The following INPP5A variants were observed in gnomAD, a reference collection of about 807,000 sequenced individuals.
INPP5A encodes the protein inositol polyphosphate-5-phosphatase A.
In INPP5A, 14 loss-of-function variants were observed where a neutral mutation model predicts 65.2. The observed-to-expected ratio is 0.21, with a 90% CI of 0.14 to 0.34. INPP5A has a LOEUF of 0.34. Ranked by LOEUF, INPP5A falls within the 10% of genes least tolerant of loss-of-function variation. The pLI is 1.00. For missense variants in INPP5A, 431 were observed against 545.6 expected (o/e 0.79, Z 2.09); for synonymous variants, 207 against 208.3 (o/e 0.99, Z 0.05).
rs1485389488 is a variant in INPP5A at position 132,545,156 on chromosome 10, C to T, written c.75+6985C>T. Among the ~76,000 whole-genome samples the T allele has an allele frequency of 2.0e-5, 3 of 151,706 alleles. No individual in the cohort carries two copies. The highest frequency in any genetic ancestry group is 4.4e-5 in the Non-Finnish European group (3 of 67,958). On this transcript the variant is annotated intron_variant, in intron 1 of 15. Coordinates refer to ENST00000368594, the MANE Select transcript of INPP5A (RefSeq NM_005539.5). This position sits in a 1 kb window ranked among gnomAD's most constrained non-coding sequence, Gnocchi z 4.6. ...GCAGGTGGAGCAGGGCAGAGGGCCC[C>T]GCACGGCTCTGGGATGGCTGTGCTC...
intron 2 of INPP5A, among the ~76,000 whole-genome samples, chr10:132,630,810 G>A (rs535341331): frequency 3.9e-5 from 6 of 151,918 alleles, no homozygotes; most frequent in Non-Finnish European, 8.8e-5. Context: ...CGGGGGCGGC[G>A]GGGGACGTGC....
chr10:132,755,689 T>G (rs182550733), intron 11 of INPP5A, among the ~76,000 whole-genome samples: 324 of 152,042 alleles, frequency 2.1e-3, no homozygotes, highest in Non-Finnish European at 3.4e-3. Context: ...TGGGTGTGTG[T>G]GGGGGGTGGT....
intron 1 of INPP5A, among the ~76,000 whole-genome samples, chr10:132,539,328 G>A (rs993750329): frequency 3.9e-5 from 6 of 152,208 alleles, no homozygotes; most frequent in African/African-American, 9.7e-5. Flanking sequence ...TCGTAAATAA[G>A]GGAAGTCTGT....
intron 9 of INPP5A, among the ~76,000 whole-genome samples, chr10:132,746,352 G>T (rs955985695): frequency 6.6e-6 from 1 of 152,230 alleles, no homozygotes; most frequent in African/African-American, 2.4e-5. Flanking sequence ...GGATTTTGTG[G>T]CAGAGTGTCC....
At chr10:132,585,059 G>A (rs181234275) in intron 1 of INPP5A, among the ~76,000 whole-genome samples, 5 of 152,364 alleles carry the variant, frequency 3.3e-5, no homozygotes, top group Admixed American at 1.3e-4. Flanking sequence ...GGGGCTTCTA[G>A]AAGGTCGCAG....
chr10:132,739,829 G>C (rs1018124200), intron 9 of INPP5A, among the ~76,000 whole-genome samples: 3 of 152,232 alleles, frequency 2.0e-5, no homozygotes, highest in Admixed American at 1.3e-4. Flanking sequence ...GGCCTCAGCA[G>C]AGGCGTCTTC....
At position 132,676,788 on chromosome 10, in the gene INPP5A, C is replaced by G. The variant is rs1209142874; in HGVS notation, c.307-13604C>G. 2.6e-5 allele frequency among the ~76,000 whole-genome samples: 4 copies of G among 152,192 alleles called. No individual in the cohort carries two copies. Among genetic ancestry groups the G allele is most frequent in the Admixed American group, 2.6e-4 (4 of 15,286 alleles). ...GGCTCCTTGCCCCACTGACTGCTGG[C>G]TCTCACCTGCTCCTGTCTCTCCACA... On this transcript the variant is annotated intron_variant, in intron 4 of 15. Transcript: ENST00000368594. This position sits in a 1 kb window ranked among gnomAD's most constrained non-coding sequence, Gnocchi z 4.0.
chr10:132,682,124 C>G (rs1397534826), intron 4 of INPP5A, among the ~76,000 whole-genome samples: 3 of 146,562 alleles, frequency 2.0e-5, no homozygotes, highest in Non-Finnish European at 4.6e-5. Flanking sequence ...TGGACAGCGT[C>G]CTGGAGGTGG....
intron 9 of INPP5A, among the ~76,000 whole-genome samples, chr10:132,748,122 G>A (rs1052303718): frequency 6.6e-6 from 1 of 152,136 alleles, no homozygotes; most frequent in African/African-American, 2.4e-5. Flanking sequence ...TCCAATTCTA[G>A]ACTCTCTCTC....
chr10:132,620,655 T>G (rs1219198816), intron 2 of INPP5A, among the ~76,000 whole-genome samples: 1 of 152,216 alleles, frequency 6.6e-6, no homozygotes, highest in Non-Finnish European at 1.5e-5. Flanking sequence ...AAACTTTTTT[T>G]TTTGAAAAAC....
At chr10:132,752,403 G>C (rs535813454) in intron 11 of INPP5A, among the ~76,000 whole-genome samples, 5 of 150,888 alleles carry the variant, frequency 3.3e-5, no homozygotes, top group African/African-American at 1.2e-4. Flanking sequence ...CCGGGGCTGC[G>C]TGGAGTGGGG....
intron 11 of INPP5A, among the ~76,000 whole-genome samples, chr10:132,751,115 C>T (rs1251981973): frequency 6.6e-6 from 1 of 152,198 alleles, no homozygotes; most frequent in African/African-American, 2.4e-5. Context: ...GCATTCGCTG[C>T]CTCCCCAACG....
intron 12 of INPP5A, 22 bp from the exon 13 acceptor site, chr10:132,777,649 C>T (rs755486861): frequency 1.2e-6 from 2 of 1,607,668 alleles, no homozygotes; most frequent in Non-Finnish European, 1.7e-6. Flanking sequence ...CCGGCTGACC[C>T]TCTGCCTTCA....
At chr10:132,692,055 G>A (rs1448470847) in intron 5 of INPP5A, among the ~76,000 whole-genome samples, 2 of 152,162 alleles carry the variant, frequency 1.3e-5, no homozygotes, top group Non-Finnish European at 2.9e-5. Context: ...GGGGGGCCTC[G>A]GGCTGGGCGG....
rs955219154 is a variant in INPP5A, at chr10:132,644,222, G to A, written c.118-1646G>A. On this transcript the variant is annotated intron_variant, in intron 2 of 15. Transcript: ENST00000368594. This position sits in a 1 kb window ranked among gnomAD's most constrained non-coding sequence, Gnocchi z 6.5. ...CCTCCTGAGTGCCCGGGGAGCCCAC[G>A]CCCACGCCCAGGAGGGAGGGGCCCA... 1.4e-4 allele frequency among the ~76,000 whole-genome samples: 21 copies of A among 152,328 alleles called. No individual in the cohort carries two copies. Among genetic ancestry groups the A allele is most frequent in the African/African-American group, 5.1e-4 (21 of 41,576 alleles).
At chr10:132,597,342 G>A (rs539783314) in intron 1 of INPP5A, among the ~76,000 whole-genome samples, 1 of 152,346 alleles carries the variant, frequency 6.6e-6, no homozygotes, top group Non-Finnish European at 1.5e-5. Flanking sequence ...TGGTCTGTCA[G>A]CTCATCCACA....
In INPP5A at chr10:132,783,051, AATATT is replaced by A. The variant is rs1318766949; in HGVS notation, c.*1024_*1028del. On this transcript the variant is annotated 3_prime_UTR_variant, in exon 16 of 16. Transcript: ENST00000368594. ...GCTTTTAACATGGGCTGTATATAAA[AATATT>A]AAAGAGAAACAAAACTGTACATTTC... is the stretch of plus-strand genomic sequence containing the variant. 1.3e-5 allele frequency: 2 copies of A among 152,424 alleles called. No homozygotes were observed. The highest frequency in any genetic ancestry group is 2.4e-5 in the African/African-American group (1 of 41,464). The allele number at this position is 152,424 out of a possible 1,614,324, so 9.4% of individuals were successfully genotyped here. A position where few individuals can be genotyped will look rare whatever the true frequency, so the allele number is the denominator to read the frequency against.
chr10:132,702,707 C>T (rs1356137929), intron 6 of INPP5A, among the ~76,000 whole-genome samples: 1 of 152,206 alleles, frequency 6.6e-6, no homozygotes, highest in African/African-American at 2.4e-5. Context: ...AGCTCTGACG[C>T]ACATGGGAAG....
intron 1 of INPP5A, among the ~76,000 whole-genome samples, chr10:132,544,676 C>T (rs868432722): frequency 6.6e-6 from 1 of 152,028 alleles, no homozygotes; most frequent in Non-Finnish European, 1.5e-5. Flanking sequence ...CATTTCGGGT[C>T]GGTCCTTGAT....
Sources: allele counts gnomAD v4.1 joint callset (sites outside exome capture counted in the v4.1 genomes callset), GRCh38; gene constraint gnomAD v4.1.1; non-coding constraint Gnocchi (gnomAD v3.1); transcripts MANE v1.5; gene names NCBI Gene and HGNC (gene_info 2026-07-23, HGNC 2026-07-21).